The following VAV2 variants were observed in gnomAD, a reference collection of about 807,000 sequenced individuals.
VAV2 encodes the protein guanine nucleotide exchange factor VAV2.
A neutral mutation model predicts 132.5 loss-of-function variants in VAV2; 67 were observed. The ratio of observed to expected loss-of-function variants is 0.51; its 90% CI spans 0.42 to 0.62. The LOEUF (loss-of-function observed/expected upper bound fraction) is 0.62, where lower values mean the gene tolerates loss of function less well. Ranked by LOEUF, VAV2 falls within the 20% of genes least tolerant of loss-of-function variation. The probability of loss-of-function intolerance (pLI) is 0.00; values close to 1 mark genes in which losing one functional copy is unlikely to be tolerated. For synonymous variants in VAV2, 492 were observed against 443.5 expected (o/e 1.11, Z -1.37); for missense variants, 938 against 1,153.6 (o/e 0.81, Z 2.71).
At chr9:133,896,283 G>T (rs952741034) in intron 2 of VAV2, among the ~76,000 whole-genome samples, 3 of 152,052 alleles carry the variant, frequency 2.0e-5, no homozygotes, top group African/African-American at 7.2e-5. Context: ...ATGAAACCCC[G>T]CCTCTACTAA....
At position 133,912,813 on chromosome 9, in the gene VAV2, C is replaced by T. The variant is rs891724753; in HGVS notation, c.321+26290G>A. 2.0e-5 allele frequency among the ~76,000 whole-genome samples: 3 copies of T among 152,130 alleles called. No individual in the cohort carries two copies. Among genetic ancestry groups the T allele is most frequent in the Admixed American group, 6.5e-5 (1 of 15,280 alleles). ...AATCACAATCGTCCTGTCCTCGTTCCGTCCCTCTAAAATCAGAGTCGTCCT... is the reference window on the plus strand; with the variant it reads ...AATCACAATCGTCCTGTCCTCGTTCTGTCCCTCTAAAATCAGAGTCGTCCT... On this transcript the variant is annotated intron_variant, in intron 2 of 29. Transcript: ENST00000371850. The surrounding 1 kb of genome is among the most constrained non-coding windows in gnomAD (Gnocchi z 4.3).
In VAV2 at chr9:133,804,087, C is replaced by T. The variant is rs1466560260; in HGVS notation, c.836+1994G>A. Among the ~76,000 whole-genome samples the T allele has an allele frequency of 1.3e-5, 2 of 152,212 alleles. No individual in the cohort carries two copies. The highest frequency in any genetic ancestry group is 4.8e-5 in the African/African-American group (2 of 41,454). On this transcript the variant is annotated intron_variant, in intron 9 of 29. Coordinates refer to ENST00000371850, the MANE Select transcript of VAV2 (RefSeq NM_001134398.2). This position sits in a 1 kb window ranked among gnomAD's most constrained non-coding sequence, Gnocchi z 4.5. ...CCAGCGAGAGGCCAGTAGCTCTGTTCACTGCGTGTCCTCAGTCCAGAGCTC... is the reference window on the plus strand; with the variant it reads ...CCAGCGAGAGGCCAGTAGCTCTGTTTACTGCGTGTCCTCAGTCCAGAGCTC...
Position 133,992,169 on chromosome 9 carries a change from A to G in VAV2, c.110T>C (p.Leu37Pro). ...CTGGCACAGAAGGACCCCGTCGCGC[A>G]GCGCCTGCGCCAGGTCGAAGACCAC... ...SAVVFDLAQA[L>P]RDGVLLCQLL... Residue 37 changes from leucine to proline, a missense_variant, in exon 1 of 30, where the codon CTG becomes CCG. Leu to Pro is a moderately conservative substitution (Grantham distance 98). Transcript: ENST00000371850. This position sits in a 1 kb window ranked among gnomAD's most constrained non-coding sequence, Gnocchi z 5.5. 2 of 1,599,088 alleles carry G rather than the reference A, an allele frequency of 1.3e-6. No homozygotes were observed. Among genetic ancestry groups the G allele is most frequent in the South Asian group, 1.1e-5 (1 of 89,670 alleles).
At chr9:133,982,554 G>C (rs551032712) in intron 1 of VAV2, among the ~76,000 whole-genome samples, 1 of 151,914 alleles carries the variant, frequency 6.6e-6, no homozygotes, top group African/African-American at 2.4e-5. Context: ...AGGACAGGGC[G>C]CAGGAGTCTC....
At chr9:133,873,559 C>T (rs1276978781) in intron 2 of VAV2, among the ~76,000 whole-genome samples, 1 of 152,194 alleles carries the variant, frequency 6.6e-6, no homozygotes, top group Non-Finnish European at 1.5e-5. Flanking sequence ...TGGGAAACGC[C>T]TGGACCAATA....
At chr9:133,900,619 G>T (rs1839401183) in intron 2 of VAV2, among the ~76,000 whole-genome samples, 1 of 151,922 alleles carries the variant, frequency 6.6e-6, no homozygotes, top group Non-Finnish European at 1.5e-5. Flanking sequence ...TAAGAATCCA[G>T]GCTCATCTGC....
chr9:133,823,287 C>A lies in VAV2; in HGVS notation c.449+10985G>T, dbSNP rs1564380566. 1.3e-5 allele frequency among the ~76,000 whole-genome samples: 2 copies of A among 152,194 alleles called. No individual in the cohort carries two copies. Among genetic ancestry groups the A allele is most frequent in the South Asian group, 4.1e-4 (2 of 4,828 alleles). On this transcript the variant is annotated intron_variant, in intron 4 of 29. Coordinates refer to ENST00000371850, the MANE Select transcript of VAV2 (RefSeq NM_001134398.2). The surrounding 1 kb of genome is among the most constrained non-coding windows in gnomAD (Gnocchi z 5.5). ...GGGAAAGTTGGTGGCAGAGACTGTC[C>A]TGCTGTCCTTTCTAAGCATCTGGTG...
At position 133,935,046 on chromosome 9, in the gene VAV2, G is replaced by A. The variant is rs1024400356; in HGVS notation, c.321+4057C>T. 7.5e-6 allele frequency among the ~76,000 whole-genome samples: 1 copy of A among 133,320 alleles called. No homozygotes were observed. The highest frequency in any genetic ancestry group is 7.7e-5 in the Admixed American group (1 of 12,910). 87.5% of individuals were successfully genotyped at this position (133,320 alleles called of 152,430 possible). ...CCCCTGACCAGCCCCACCCACCCCA[G>A]ACGACAGTCAGTTCTGACTGCAGAG... On this transcript the variant is annotated intron_variant, in intron 2 of 29. Coordinates refer to ENST00000371850, the MANE Select transcript of VAV2 (RefSeq NM_001134398.2). The surrounding 1 kb of genome is among the most constrained non-coding windows in gnomAD (Gnocchi z 5.2).
chr9:133,828,483 G>A lies in VAV2; in HGVS notation c.449+5789C>T, dbSNP rs112524600. On this transcript the variant is annotated intron_variant, in intron 4 of 29. Transcript: ENST00000371850. ...TCGCCAGCTACCGCTGCGCCCACTG[G>A]GGCTGACCACTGAGCACGGGCATCG... 5.3e-4 allele frequency among the ~76,000 whole-genome samples: 68 copies of A among 129,280 alleles called. 3 individuals carry two copies. The highest frequency in any genetic ancestry group is 1.3e-3 in the South Asian group (5 of 3,946). The allele number at this position is 129,280 out of a possible 152,430, so 84.8% of individuals were successfully genotyped here.
chr9:133,822,605 C>A (rs1318834223), intron 4 of VAV2, among the ~76,000 whole-genome samples: 4 of 152,116 alleles, frequency 2.6e-5, no homozygotes, highest in Non-Finnish European at 5.9e-5. Flanking sequence ...GGTGGGGAAA[C>A]CAGGGCTCAG....
At chr9:133,917,146 C>G (rs1208254381) in intron 2 of VAV2, among the ~76,000 whole-genome samples, 1 of 151,280 alleles carries the variant, frequency 6.6e-6, no homozygotes, top group Non-Finnish European at 1.5e-5. Flanking sequence ...AGGCCTATGA[C>G]AGCCTAGCCC....
At position 133,928,170 on chromosome 9, in the gene VAV2, CGTGT is replaced by C. The variant is rs879317769; in HGVS notation, c.321+10929_321+10932del. 5.4e-4 allele frequency among the ~76,000 whole-genome samples: 20 copies of C among 36,778 alleles called. No homozygotes were observed. Among genetic ancestry groups the C allele is most frequent in the Non-Finnish European group, 2.4e-3 (16 of 6,652 alleles). 24.1% of individuals were successfully genotyped at this position (36,778 alleles called of 152,430 possible). A position where few individuals can be genotyped will look rare whatever the true frequency, so the allele number is the denominator to read the frequency against. ...CAGCATCCGATGGGCTTACCGACTC[CGTGT>C]GTGTGTGTGTGTGTGCGTGCATGTG... On this transcript the variant is annotated intron_variant, in intron 2 of 29. Transcript: ENST00000371850. The surrounding 1 kb of genome is among the most constrained non-coding windows in gnomAD (Gnocchi z 5.4).
In VAV2 at chr9:133,875,144, A is replaced by G. The variant is rs115882365; in HGVS notation, c.322-13712T>C. On this transcript the variant is annotated intron_variant, in intron 2 of 29. Transcript: ENST00000371850. ...ACCTGCGTTTCTTTCACTGCCCCCA[A>G]GCTCTGAACTCTCACCACGCTCAGG... 4.4e-3 allele frequency among the ~76,000 whole-genome samples: 666 copies of G among 152,244 alleles called. 5 individuals carry two copies. The highest frequency in any genetic ancestry group is 0.015 in the African/African-American group (621 of 41,542).
chr9:133,828,747 C>T (rs991425181), intron 4 of VAV2, among the ~76,000 whole-genome samples: 1 of 152,222 alleles, frequency 6.6e-6, no homozygotes, highest in Non-Finnish European at 1.5e-5. Flanking sequence ...AAGCCTTGTC[C>T]CACAATAGCA....
rs535987778 is a variant in VAV2, at chr9:133,782,600, C to T, written c.1723+903G>A. ...CAAAATGTATTCTGGGCAATGGCGT[C>T]TCTGGGTGACAATCTCTGGGTGACA... On this transcript the variant is annotated intron_variant, in intron 19 of 29. Transcript: ENST00000371850. Among the ~76,000 whole-genome samples, 76 of 152,228 alleles carry T rather than the reference C, an allele frequency of 5.0e-4. 1 individual carries two copies. In the South Asian group the frequency reaches 0.01, roughly 20 times the overall value.
intron 2 of VAV2, among the ~76,000 whole-genome samples, chr9:133,924,593 A>T (rs768283833): frequency 6.6e-6 from 1 of 152,226 alleles, no homozygotes; most frequent in African/African-American, 2.4e-5. Context: ...ACACTGCAGC[A>T]GGCCTGCCCC....
intron 3 of VAV2, among the ~76,000 whole-genome samples, chr9:133,835,732 C>T (rs907812698): frequency 1.3e-5 from 2 of 152,160 alleles, no homozygotes; most frequent in African/African-American, 2.4e-5. Flanking sequence ...CCGGCAGCCC[C>T]GCCCCAACCG....
intron 3 of VAV2, among the ~76,000 whole-genome samples, chr9:133,839,576 A>AGTAGC (rs1447197776): frequency 6.6e-6 from 1 of 151,764 alleles, no homozygotes; most frequent in Non-Finnish European, 1.5e-5. Flanking sequence ...TCAGCCTCCA[A>AGTAGC]GTAGCTGGGA....
intron 10 of VAV2, 37 bp from the exon 11 acceptor site, chr9:133,796,561 G>A (rs1015014955): frequency 1.3e-5 from 20 of 1,587,816 alleles, no homozygotes; most frequent in Middle Eastern, 1.7e-4. Context: ...AGCCCTCCCC[G>A]AGGAAAGCCT....
Sources: gnomAD v4.1 joint callset for allele counts (sites outside exome capture counted in the v4.1 genomes callset) on GRCh38, gnomAD v4.1.1 for gene constraint, Gnocchi (gnomAD v3.1) non-coding constraint, MANE v1.5 for transcripts, NCBI Gene and HGNC (gene_info 2026-07-23, HGNC 2026-07-21) for gene names.